MYO1G: variants seen among roughly 807,000 people sequenced by gnomAD.
The protein encoded by MYO1G is myosin IG.
MYO1G carries 65 observed loss-of-function variants against 115.3 expected under a neutral mutation model. The ratio of observed to expected loss-of-function variants is 0.56; its 90% CI spans 0.46 to 0.69. The LOEUF is 0.69. Among genes scored for constraint, MYO1G ranks in the 30% least tolerant of loss-of-function variants. MYO1G has a pLI of 0.00. For synonymous variants in MYO1G, 510 were observed against 552.6 expected (o/e 0.92, Z 1.08); for missense variants, 1,204 against 1,393.5 (o/e 0.86, Z 2.16).
In MYO1G at chr7:44,966,219, C is replaced by T. The variant is rs759400828; in HGVS notation, c.2011G>A (p.Val671Met). 3.3e-5 allele frequency: 54 copies of T among 1,612,276 alleles called. No individual in the cohort carries two copies. The highest frequency in any genetic ancestry group is 3.3e-4 in the Middle Eastern group (2 of 6,058). Residue 671 changes from valine (V) to methionine (M), a missense_variant, in exon 16 of 22, where the codon GTG (valine) becomes ATG (methionine). By Grantham distance (21) the Val-to-Met change is conservative (BLOSUM62 1). Transcript: ENST00000258787. This position sits in a 1 kb window ranked among gnomAD's most constrained non-coding sequence, Gnocchi z 5.0. ...CCGTGCTGCTCCAGGAGAGCGCTCA[C>T]GGCTGCCTTGTCGGAGCCCAGCAGG... ...NHLLGSDKAA[V>M]SALLEQHGLQ...
Position 44,962,815 on chromosome 7 carries a change from T to A in MYO1G, c.2981A>T (p.Glu994Val). Residue 994 changes from glutamate (E) to valine (V), a missense_variant, in exon 22 of 22, where the codon GAG (glutamate) becomes GTG (valine). Coordinates refer to ENST00000258787, the MANE Select transcript of MYO1G (RefSeq NM_033054.3). This position sits in a 1 kb window ranked among gnomAD's most constrained non-coding sequence, Gnocchi z 5.3. The stretch of plus-strand genomic sequence containing the variant: ...GGGCTCTGGCTGCTCCGGCCTGGGC[T>A]CCACGGAGATGAGGCGCCGGACCCC... ...HRGVRRLISV[E>V]PRPEQPEPDF... 1 of 1,520,580 alleles carries A rather than the reference T, an allele frequency of 6.6e-7. No individual in the cohort carries two copies. The highest frequency in any genetic ancestry group is 8.8e-7 in the Non-Finnish European group (1 of 1,139,742). 94.2% of individuals were successfully genotyped at this position (1,520,580 alleles called of 1,614,324 possible).
rs766854910 is a variant in MYO1G at position 44,962,865 on chromosome 7, G to A, written c.2931C>T (p.Ser977=). 6.7e-7 allele frequency: 1 copy of A among 1,501,170 alleles called. No individual in the cohort carries two copies. 93.0% of individuals were successfully genotyped at this position (1,501,170 alleles called of 1,614,324 possible). ...GEGRTLEVRV[S]DCIPLSHRGV... ...CGCGATGGCTTAGTGGGATGCAGTC[G>A]GAGACGCGAACCTCCAGGGTGCGGC... is the stretch of plus-strand genomic sequence containing the variant. Residue 977 remains serine, a synonymous_variant, in exon 22 of 22, where the codon TCC becomes TCT. Transcript: ENST00000258787. This position sits in a 1 kb window ranked among gnomAD's most constrained non-coding sequence, Gnocchi z 5.3.
At chr7:44,967,360 C>T (rs1288906686) in intron 14 of MYO1G, among the ~76,000 whole-genome samples, 1 of 152,194 alleles carries the variant, frequency 6.6e-6, no homozygotes, top group African/African-American at 2.4e-5. Flanking sequence ...GTTCAAGAGA[C>T]AATGGGGCGA....
chr7:44,964,755 A>G lies in MYO1G; in HGVS notation c.2526+190T>C, dbSNP rs1250042619. Among the ~76,000 whole-genome samples the G allele has an allele frequency of 1.3e-5, 2 of 152,138 alleles. No individual in the cohort carries two copies. Among genetic ancestry groups the G allele is most frequent in the Non-Finnish European group, 2.9e-5 (2 of 68,012 alleles). On this transcript the variant is annotated intron_variant, in intron 18 of 21. Coordinates refer to ENST00000258787, the MANE Select transcript of MYO1G (RefSeq NM_033054.3). This position sits in a 1 kb window ranked among gnomAD's most constrained non-coding sequence, Gnocchi z 5.1. The stretch of plus-strand genomic sequence containing the variant: ...TCCTGTCATCCACACCCACCCCCGA[A>G]GGCCACTGCTCCTGAAGCCCAGGAT...
chr7:44,971,709 C>T lies in MYO1G; in HGVS notation c.810G>A (p.Glu270=). 6.4e-7 allele frequency: 1 copy of T among 1,557,862 alleles called. No homozygotes were observed. The highest frequency in any genetic ancestry group is 8.7e-7 in the Non-Finnish European group (1 of 1,150,400). The change falls in exon 7 of 22, where the codon GAG becomes GAA. Residue 270 remains glutamate, a synonymous_variant. Transcript: ENST00000258787. The stretch of plus-strand genomic sequence containing the variant: ...TGGCAGCCAGGATGCGATGCACAGA[C>T]TCCACCTCTTCAGGACTGAAGCCGA... ...RVIGFSPEEV[E]SVHRILAAIL...
chr7:44,971,309 C>G (rs1378006812), intron 7 of MYO1G, among the ~76,000 whole-genome samples: 1 of 152,200 alleles, frequency 6.6e-6, no homozygotes, highest in Non-Finnish European at 1.5e-5. Context: ...TGAATGACCC[C>G]ATCGCATCCT....
chr7:44,972,044 C>A, intron 6 of MYO1G, 71 bp downstream of exon 6: 1 of 1,220,484 alleles, frequency 8.2e-7, no homozygotes, highest in Non-Finnish European at 1.2e-6. Context: ...TGAGTGCTGC[C>A]CATTCCCTAC....
Position 44,963,115 on chromosome 7 carries a change from G to A in MYO1G, c.2755C>T (p.Leu919=). The part of the protein sequence containing the change: ...RAVPLEAVTG[L]SVTSGGDQLV... ...TGGTCTCCTCCGCTGGTCACGCTCAGCCCCGTCACCTGAGCGGAGCGCGGG... is the reference window on the plus strand; with the variant it reads ...TGGTCTCCTCCGCTGGTCACGCTCAACCCCGTCACCTGAGCGGAGCGCGGG... Residue 919 remains leucine, a synonymous_variant, in exon 21 of 22, where the codon CTG becomes TTG. Coordinates refer to ENST00000258787, the MANE Select transcript of MYO1G (RefSeq NM_033054.3). The surrounding 1 kb of genome is among the most constrained non-coding windows in gnomAD (Gnocchi z 4.1). 2 of 1,489,418 alleles carry A rather than the reference G, an allele frequency of 1.3e-6. No homozygotes were observed. The highest frequency in any genetic ancestry group is 1.8e-6 in the Non-Finnish European group (2 of 1,124,948). 92.3% of individuals were successfully genotyped at this position (1,489,418 alleles called of 1,614,324 possible).
intron 6 of MYO1G, 116 bp downstream of exon 6, chr7:44,971,999 C>T (rs1306970610): frequency 2.0e-5 from 18 of 886,060 alleles, no homozygotes; most frequent in Non-Finnish European, 3.1e-5. Flanking sequence ...ACCCTCCCCA[C>T]TCACGCAAAC....
rs549082964 is a variant in MYO1G at position 44,963,385 on chromosome 7, A to G, written c.2746-261T>C. On this transcript the variant is annotated intron_variant, in intron 20 of 21. Transcript: ENST00000258787. This position sits in a 1 kb window ranked among gnomAD's most constrained non-coding sequence, Gnocchi z 4.1. ...ATCCTTGCTGTCCAACAGGGCCGCC[A>G]CTGCTCACCTGTGGATGCTAAGCCC... 2 of 475,950 alleles carry G rather than the reference A, an allele frequency of 4.2e-6. No homozygotes were observed. Among genetic ancestry groups the G allele is most frequent in the South Asian group, 3.7e-5 (1 of 27,110 alleles). The allele number at this position is 475,950 out of a possible 1,614,324, so 29.5% of individuals were successfully genotyped here.
Position 44,966,506 on chromosome 7 carries a change from C to T in MYO1G, c.1949+166G>A, listed in dbSNP as rs1794848261. 2 of 900,490 alleles carry T rather than the reference C, an allele frequency of 2.2e-6. No homozygotes were observed. Among genetic ancestry groups the T allele is most frequent in the Non-Finnish European group, 3.6e-6 (2 of 563,364 alleles). The allele number at this position is 900,490 out of a possible 1,614,324, so 55.8% of individuals were successfully genotyped here. On this transcript the variant is annotated intron_variant, in intron 15 of 21. Coordinates refer to ENST00000258787, the MANE Select transcript of MYO1G (RefSeq NM_033054.3). The surrounding 1 kb of genome is among the most constrained non-coding windows in gnomAD (Gnocchi z 5.0). The stretch of plus-strand genomic sequence containing the variant: ...CTGTATGTCCCCACATGCATGTGCT[C>T]ACACACATGTCTTCCCAGATATTTT...
In MYO1G at chr7:44,970,880, G is replaced by A. The variant is rs1011313805; in HGVS notation, c.1026C>T (p.Gly342=). 4 of 1,613,472 alleles carry A rather than the reference G, an allele frequency of 2.5e-6. No individual in the cohort carries two copies. The Admixed American group carries it at 5.0e-5, about 20-fold the overall frequency. The change falls in exon 8 of 22, where the codon GGC becomes GGT. Residue 342 remains glycine (G), a synonymous_variant. Transcript: ENST00000258787. ...ASGGRELIEK[G]HTAAEASYAR... ...CATAGCTGGCCTCAGCTGCAGTGTG[G>A]CCCTTCTCTATGAGTTCCCTGCCTC...
At chr7:44,965,964 T>A (rs1794833897) in intron 16 of MYO1G, 104 bp from the exon 17 acceptor site, 1 of 1,540,262 alleles carries the variant, frequency 6.5e-7, no homozygotes, top group African/African-American at 1.4e-5. Context: ...CCCTGGCCTG[T>A]CTCCATCAAG....
chr7:44,967,981 A>G (rs1794878715), intron 12 of MYO1G, 23 bp from the exon 13 acceptor site: 1 of 1,610,142 alleles, frequency 6.2e-7, no homozygotes, highest in Non-Finnish European at 8.5e-7. Context: ...AGGGCTGGTG[A>G]GGGAGCAGGG....
At chr7:44,974,848 G>A in intron 5 of MYO1G, 3 of 421,744 alleles carry the variant, frequency 7.1e-6, no homozygotes, top group South Asian at 6.8e-5. Context: ...TAGAGACACT[G>A]CCTGTAATCC....
intron 6 of MYO1G, 99 bp from the exon 7 acceptor site, chr7:44,971,888 CT>C (rs907630527): frequency 1.0e-5 from 9 of 862,658 alleles, no homozygotes; most frequent in African/African-American, 8.4e-5. Flanking sequence ...CTGCTCACCC[CT>C]GTCCCCTGTC....
intron 5 of MYO1G, 43 bp from the exon 6 acceptor site, chr7:44,972,268 TG>T: frequency 1.4e-6 from 2 of 1,406,776 alleles, no homozygotes; most frequent in Admixed American, 3.3e-5. Context: ...GCTCCCAGGA[TG>T]TCCCCCTGTA....
intron 7 of MYO1G, 23 bp from the exon 8 acceptor site, chr7:44,971,082 C>T: frequency 6.3e-7 from 1 of 1,593,796 alleles, no homozygotes; most frequent in Non-Finnish European, 8.5e-7. Flanking sequence ...AAACCATGAA[C>T]AGTCCGGGCT....
rs576385135 is a variant in MYO1G at position 44,978,155 on chromosome 7, C to T, written c.95+712G>A. 3.2e-3 allele frequency among the ~76,000 whole-genome samples: 480 copies of T among 152,244 alleles called. 3 individuals carry two copies. Among genetic ancestry groups the T allele is most frequent in the African/African-American group, 0.011 (450 of 41,538 alleles). On this transcript the variant is annotated intron_variant, in intron 1 of 21. Coordinates refer to ENST00000258787, the MANE Select transcript of MYO1G (RefSeq NM_033054.3). ...CCCAGGGAGCTTCCGGAGTACACAG[C>T]GAGTGGCCTTCTGCCCCTCCCTGGG...
Sources: gnomAD v4.1 joint callset for allele counts (sites outside exome capture counted in the v4.1 genomes callset) on GRCh38, gnomAD v4.1.1 for gene constraint, Gnocchi (gnomAD v3.1) non-coding constraint, MANE v1.5 for transcripts, NCBI Gene and HGNC (gene_info 2026-07-23, HGNC 2026-07-21) for gene names.